The following DLGAP3 variants were observed in gnomAD, a reference collection of about 807,000 sequenced individuals.
DLGAP3 encodes disks large-associated protein 3.
A neutral mutation model predicts 81.2 loss-of-function variants in DLGAP3; 17 were observed. The ratio of observed to expected loss-of-function variants is 0.21; its 90% CI spans 0.14 to 0.31. The LOEUF is 0.31. Among genes scored for constraint, DLGAP3 ranks in the 10% least tolerant of loss-of-function variants. The pLI is 1.00. For synonymous variants in DLGAP3, 577 were observed against 587.4 expected (o/e 0.98, Z 0.26); for missense variants, 1,124 against 1,388.0 (o/e 0.81, Z 3.02).
chr1:34,881,579 C>T (rs1477898116), intron 8 of DLGAP3, among the ~76,000 whole-genome samples: 1 of 151,846 alleles, frequency 6.6e-6, no homozygotes, highest in Non-Finnish European at 1.5e-5. Flanking sequence ...TCTGACACTG[C>T]ACTCCCTACA....
chr1:34,886,125 T>TCGTCTTGAGAGCAGC lies in DLGAP3; in HGVS notation c.1546_1547insGCTGCTCTCAAGACG (p.Asp515_Asp516insGlyCysSerGlnAsp), dbSNP rs1639224222. On this transcript the variant is annotated inframe_insertion, in exon 6 of 12. Coordinates refer to ENST00000373347, the MANE Select transcript of DLGAP3 (RefSeq NM_001080418.3). ...AGGGGTAGCGAGGAGGGGCAGGCAG[T>TCGTCTTGAGAGCAGC]CGTCGTCTTGAGAGCAGCCGGCCTG... 6.2e-7 allele frequency: 1 copy of TCGTCTTGAGAGCAGC among 1,607,256 alleles called. No homozygotes were observed. Among genetic ancestry groups the TCGTCTTGAGAGCAGC allele is most frequent in the Admixed American group, 1.7e-5 (1 of 59,158 alleles).
At chr1:34,909,978 C>T (rs1210797030) in intron 1 of DLGAP3, among the ~76,000 whole-genome samples, 1 of 152,168 alleles carries the variant, frequency 6.6e-6, no homozygotes, top group Non-Finnish European at 1.5e-5. Flanking sequence ...ATGATATACA[C>T]ATGGAAGCAT....
chr1:34,904,702 G>A lies in DLGAP3; in HGVS notation c.682C>T (p.His228Tyr), dbSNP rs764331807. ...GACTGGTGGTGGTGGTGATGGTGGT[G>A]GTGATGGTGGTGATGGGAGGTGTGG... ...GPHTSHHHHHHHHHHHHQSRH... is the reference protein window; with the variant it reads ...GPHTSHHHHHYHHHHHHQSRH... The change falls in exon 3 of 12, where the codon CAC becomes TAC. Residue 228 changes from histidine to tyrosine, a missense_variant. Around this residue, in one of 9 missense-constraint regions of DLGAP3, gnomAD observed 357 missense variants for 408.8 expected, o/e 0.87. Transcript: ENST00000373347. This position sits in a 1 kb window ranked among gnomAD's most constrained non-coding sequence, Gnocchi z 8.1. 1.3e-5 allele frequency: 21 copies of A among 1,613,248 alleles called. No homozygotes were observed. Among genetic ancestry groups the A allele is most frequent in the Non-Finnish European group, 1.7e-5 (20 of 1,180,008 alleles).
At chr1:34,881,700 C>A (rs1451436567) in intron 8 of DLGAP3, among the ~76,000 whole-genome samples, 1 of 149,468 alleles carries the variant, frequency 6.7e-6, no homozygotes, top group Non-Finnish European at 1.5e-5. Context: ...TGGGATCAAG[C>A]AGGGTTTATC....
chr1:34,913,621 A>G (rs1382211081), intron 1 of DLGAP3, among the ~76,000 whole-genome samples: 1 of 152,198 alleles, frequency 6.6e-6, no homozygotes, highest in Non-Finnish European at 1.5e-5. Flanking sequence ...AGTAGAATAT[A>G]AGCTCCAGAA....
chr1:34,879,523 G>T (rs1310870134), intron 8 of DLGAP3, among the ~76,000 whole-genome samples: 1 of 152,190 alleles, frequency 6.6e-6, no homozygotes, highest in African/African-American at 2.4e-5. Context: ...CTGGCCTGGG[G>T]TTTGGGGACC....
rs188115020 is a variant in DLGAP3, at chr1:34,914,570, C to T, written c.-134-7133G>A. 4.6e-5 allele frequency among the ~76,000 whole-genome samples: 7 copies of T among 152,310 alleles called. No individual in the cohort carries two copies. The East Asian group carries it at 5.8e-4, about 13-fold the overall frequency. ...TATCCCAGGTCCACCACTTACTAGACGTGTGGCCTCAAGGAAGCCTGTTTG... is the reference window on the plus strand; with the variant it reads ...TATCCCAGGTCCACCACTTACTAGATGTGTGGCCTCAAGGAAGCCTGTTTG... On this transcript the variant is annotated intron_variant, in intron 1 of 11. Transcript: ENST00000373347.
At chr1:34,870,641 A>G (rs552497100) in intron 8 of DLGAP3, among the ~76,000 whole-genome samples, 13 of 152,264 alleles carry the variant, frequency 8.5e-5, no homozygotes, top group African/African-American at 2.9e-4. Context: ...AACGAGCCCT[A>G]TGTCCCAACC....
chr1:34,872,908 GT>G (rs1168847679), intron 8 of DLGAP3, among the ~76,000 whole-genome samples: 1 of 152,120 alleles, frequency 6.6e-6, no homozygotes, highest in Non-Finnish European at 1.5e-5. Context: ...AATATGTATT[GT>G]TTTCCATCAC....
chr1:34,876,292 C>CGGA (rs1361793332), intron 8 of DLGAP3, among the ~76,000 whole-genome samples: 5 of 152,184 alleles, frequency 3.3e-5, no homozygotes, highest in Non-Finnish European at 7.3e-5. Flanking sequence ...GACAATAAGT[C>CGGA]CAAAATCCTC....
chr1:34,906,767 T>C (rs893718767), intron 2 of DLGAP3, among the ~76,000 whole-genome samples: 3 of 152,120 alleles, frequency 2.0e-5, no homozygotes, highest in Non-Finnish European at 4.4e-5. Flanking sequence ...AGGAAAGTGA[T>C]GGAGAAAAAA....
chr1:34,903,955 T>C (rs1639502186), intron 3 of DLGAP3, among the ~76,000 whole-genome samples: 1 of 152,176 alleles, frequency 6.6e-6, no homozygotes, highest in South Asian at 2.1e-4. Context: ...CTCTATCCTG[T>C]CTACTGCCTG....
rs765335074 is a variant in DLGAP3, at chr1:34,904,867, G to A, written c.517C>T (p.Leu173=). The change falls in exon 3 of 12, where the codon CTG becomes TTG. Residue 173 remains leucine (L), a synonymous_variant. Transcript: ENST00000373347. The surrounding 1 kb of genome is among the most constrained non-coding windows in gnomAD (Gnocchi z 8.1). ...AAGAGCTTCTGCACAGAATGAACCAGGTGCCGGATGCGGCTAGGGCTCTCA... is the reference window on the plus strand; with the variant it reads ...AAGAGCTTCTGCACAGAATGAACCAAGTGCCGGATGCGGCTAGGGCTCTCA... The part of the protein sequence containing the change: ...RSESPSRIRH[L]VHSVQKLFAK... 6.2e-7 allele frequency: 1 copy of A among 1,610,182 alleles called. No homozygotes were observed. The highest frequency in any genetic ancestry group is 1.3e-5 in the African/African-American group (1 of 74,944).
intron 5 of DLGAP3, among the ~76,000 whole-genome samples, chr1:34,896,567 C>T (rs1302224902): frequency 1.5e-5 from 2 of 135,066 alleles, no homozygotes; most frequent in East Asian, 4.2e-4. Context: ...CTGGCCTGGG[C>T]AACAGAGCCA....
At chr1:34,871,723 C>T (rs1461316584) in intron 8 of DLGAP3, among the ~76,000 whole-genome samples, 4 of 152,334 alleles carry the variant, frequency 2.6e-5, no homozygotes, top group South Asian at 2.1e-4. Context: ...CTGTGTCCTT[C>T]GGCACTGCCA....
At chr1:34,913,959 T>C (rs1639678638) in intron 1 of DLGAP3, among the ~76,000 whole-genome samples, 1 of 152,176 alleles carries the variant, frequency 6.6e-6, no homozygotes, top group Non-Finnish European at 1.5e-5. Flanking sequence ...TATGTCCCTC[T>C]GCATAGCTCA....
rs1639014684 is a variant in DLGAP3 at position 34,873,911 on chromosome 1, T to C, written c.2001-4822A>G. Reference sequence around the variant, plus strand: ...CAAGATCCACTCTCCATTTCCCCCTTAGTAACAGAACCCCACCATTTTATG... The same window carrying C: ...CAAGATCCACTCTCCATTTCCCCCTCAGTAACAGAACCCCACCATTTTATG... On this transcript the variant is annotated intron_variant, in intron 8 of 11. Transcript: ENST00000373347. The surrounding 1 kb of genome is among the most constrained non-coding windows in gnomAD (Gnocchi z 4.2). 6.6e-6 allele frequency among the ~76,000 whole-genome samples: 1 copy of C among 152,150 alleles called. No individual in the cohort carries two copies. The highest frequency in any genetic ancestry group is 2.4e-5 in the African/African-American group (1 of 41,428).
intron 1 of DLGAP3, among the ~76,000 whole-genome samples, chr1:34,921,170 G>A (rs1209112303): frequency 2.0e-5 from 3 of 152,184 alleles, no homozygotes; most frequent in East Asian, 3.9e-4. Context: ...CTTTGCACAC[G>A]TAGCACTCAC....
chr1:34,904,680 T>G lies in DLGAP3; in HGVS notation c.704A>C (p.Gln235Pro). 1 of 1,613,762 alleles carries G rather than the reference T, an allele frequency of 6.2e-7. No homozygotes were observed. Among genetic ancestry groups the G allele is most frequent in the Non-Finnish European group, 8.5e-7 (1 of 1,180,010 alleles). Residue 235 changes from glutamine (Q) to proline (P), a missense_variant, in exon 3 of 12, where the codon CAG becomes CCG. Transcript: ENST00000373347. The surrounding 1 kb of genome is among the most constrained non-coding windows in gnomAD (Gnocchi z 8.1). ...CTTGCTCCTCTTGCCGTGCCGGGACTGGTGGTGGTGGTGATGGTGGTGGTG... is the reference window on the plus strand; with the variant it reads ...CTTGCTCCTCTTGCCGTGCCGGGACGGGTGGTGGTGGTGATGGTGGTGGTG... ...HHHHHHHHHH[Q>P]SRHGKRSKSK...
Sources: gnomAD v4.1 joint callset for allele counts (sites outside exome capture counted in the v4.1 genomes callset) on GRCh38, gnomAD v4.1.1 for gene constraint, gnomAD v4.1.1 regional missense constraint, Gnocchi (gnomAD v3.1) non-coding constraint, MANE v1.5 for transcripts, NCBI Gene and HGNC (gene_info 2026-07-23, HGNC 2026-07-21) for gene names.